The following TNRC18 variants were observed in gnomAD, a reference collection of about 807,000 sequenced individuals.
TNRC18 encodes the protein trinucleotide repeat-containing gene 18 protein.
In TNRC18, 69 loss-of-function variants were observed where a neutral mutation model predicts 226.7. That is an observed-to-expected ratio of 0.30 (90% confidence interval 0.25 to 0.37). The LOEUF (loss-of-function observed/expected upper bound fraction) is 0.37, where lower values mean the gene tolerates loss of function less well. Among genes scored for constraint, TNRC18 ranks in the 10% least tolerant of loss-of-function variants. TNRC18 has a pLI of 1.00. For synonymous variants in TNRC18, 2,449 were observed against 1,927.6 expected (o/e 1.27, Z -7.09); for missense variants, 4,754 against 4,256.6 (o/e 1.12, Z -3.25).
intron 21 of TNRC18, among the ~76,000 whole-genome samples, chr7:5,323,233 G>T (rs1788557052): frequency 6.6e-6 from 1 of 152,054 alleles, no homozygotes; most frequent in South Asian, 2.1e-4. Context: ...TCGCCTCTGG[G>T]CTACAGACCC....
chr7:5,399,996 C>A (rs565862372), intron 2 of TNRC18, among the ~76,000 whole-genome samples: 1 of 152,102 alleles, frequency 6.6e-6, no homozygotes, highest in African/African-American at 2.4e-5. Context: ...CTCAAGCAAT[C>A]GCCCCACCTT....
In TNRC18 at chr7:5,389,044, C is replaced by G. The variant is rs1331468379; in HGVS notation, c.780G>C (p.Glu260Asp). 5 of 1,296,974 alleles carry G rather than the reference C, an allele frequency of 3.9e-6. No individual in the cohort carries two copies. Among genetic ancestry groups the G allele is most frequent in the Non-Finnish European group, 4.9e-6 (5 of 1,013,182 alleles). 80.3% of individuals were successfully genotyped at this position (1,296,974 alleles called of 1,614,324 possible). Residue 260 changes from glutamate to aspartate, a missense_variant, in exon 5 of 30, where the codon GAG (glutamate) becomes GAC (aspartate). By Grantham distance (45) the Glu-to-Asp change is conservative. Transcript: ENST00000430969. ...ACTCAGCCAGGAAGGGCGACAGGCG[C>G]TCAGCCAGGCGCGGGGGCCCCCGGT... ...RQDRGPPRLA[E>D]RLSPFLAESK...
In TNRC18 at chr7:5,307,956, C is replaced by G. The variant is rs1022653569; in HGVS notation, c.*150G>C. ...CACACGTGCATGCACACACACTCACCCGGGCATCCACGTGCACACCTGGCC... is the reference window on the plus strand; with the variant it reads ...CACACGTGCATGCACACACACTCACGCGGGCATCCACGTGCACACCTGGCC... On this transcript the variant is annotated 3_prime_UTR_variant, in exon 30 of 30. Coordinates refer to ENST00000430969, the MANE Select transcript of TNRC18 (RefSeq NM_001080495.3). The G allele has an allele frequency of 1.5e-6, 1 of 686,046 alleles. No individual in the cohort carries two copies. The highest frequency in any genetic ancestry group is 2.4e-6 in the Non-Finnish European group (1 of 408,536). 42.5% of individuals were successfully genotyped at this position (686,046 alleles called of 1,614,324 possible). A position where few individuals can be genotyped will look rare whatever the true frequency, so the allele number is the denominator to read the frequency against.
At position 5,389,296 on chromosome 7, in the gene TNRC18, C is replaced by T. The variant is rs1036553770; in HGVS notation, c.528G>A (p.Leu176=). 28 of 1,285,880 alleles carry T rather than the reference C, an allele frequency of 2.2e-5. No individual in the cohort carries two copies. The highest frequency in any genetic ancestry group is 2.7e-5 in the Non-Finnish European group (27 of 1,017,256). 79.7% of individuals were successfully genotyped at this position (1,285,880 alleles called of 1,614,324 possible). ...TCCGGGCCGAGGGCGCGTGAGAGTG[C>T]AGGGAGCCCGGAGCCCCCGCGGTGG... ...YLPTAGAPGS[L]HSHAPSARTP... The change falls in exon 5 of 30, where the codon CTG becomes CTA. Residue 176 remains leucine, a synonymous_variant. Transcript: ENST00000430969.
At chr7:5,349,190 T>C (rs1324367677) in intron 17 of TNRC18, among the ~76,000 whole-genome samples, 1 of 152,114 alleles carries the variant, frequency 6.6e-6, no homozygotes, top group African/African-American at 2.4e-5. Flanking sequence ...TGGGAGACCC[T>C]CCCGCCTCCC....
At chr7:5,383,733 A>G (rs1225424029) in intron 5 of TNRC18, among the ~76,000 whole-genome samples, 2 of 152,194 alleles carry the variant, frequency 1.3e-5, no homozygotes, top group East Asian at 3.9e-4. Flanking sequence ...GACTGCCCAG[A>G]GAGAAATGAC....
intron 18 of TNRC18, 144 bp downstream of exon 18, chr7:5,345,418 G>A (rs958556951): frequency 5.1e-5 from 41 of 810,624 alleles, no homozygotes; most frequent in African/African-American, 1.0e-4. Context: ...TGATCAGCAC[G>A]GGGCTGGCCC....
chr7:5,375,791 C>T (rs944298487), intron 9 of TNRC18, among the ~76,000 whole-genome samples: 14 of 152,190 alleles, frequency 9.2e-5, no homozygotes, highest in Middle Eastern at 6.3e-3. Flanking sequence ...CTCGCTCCTG[C>T]ACCCTGCCCT....
chr7:5,384,057 T>A (rs1448495821), intron 5 of TNRC18, among the ~76,000 whole-genome samples: 1 of 141,878 alleles, frequency 7.0e-6, no homozygotes, highest in Non-Finnish European at 1.5e-5. Context: ...CTCCTCCTCC[T>A]AGGTTCAAGC....
intron 4 of TNRC18, chr7:5,390,001 G>T: frequency 5.2e-6 from 1 of 193,032 alleles, no homozygotes; most frequent in Non-Finnish European, 1.0e-5. Flanking sequence ...AGAGGACAGT[G>T]TGACCAGAAG....
Position 5,388,479 on chromosome 7 carries a change from C to A in TNRC18, c.1345G>T (p.Ala449Ser), listed in dbSNP as rs1156341165. 3.6e-6 allele frequency: 5 copies of A among 1,390,694 alleles called. No individual in the cohort carries two copies. The highest frequency in any genetic ancestry group is 2.1e-4 in the Middle Eastern group (1 of 4,864). 86.1% of individuals were successfully genotyped at this position (1,390,694 alleles called of 1,614,324 possible). Residue 449 changes from alanine to serine, a missense_variant, in exon 5 of 30, where the codon GCC (alanine) becomes TCC (serine). Coordinates refer to ENST00000430969, the MANE Select transcript of TNRC18 (RefSeq NM_001080495.3). ...CGGGGGTCCGGGGAGGCGCGTGTGG[C>A]CCGCACCGTGGGGGCATCCGCGGGG... ...PPPADAPTVR[A>S]TRASPDPRAY...
chr7:5,388,885 C>G lies in TNRC18; in HGVS notation c.939G>C (p.Glu313Asp), dbSNP rs901616078. The stretch of plus-strand genomic sequence containing the variant: ...CCGTGCGCCGCAGCAGCCGCGCGCC[C>G]TCGTCCTGCCGGGCAGCCTCCTTGG... ...GGAKEAARQD[E>D]GARLLRRTET... Residue 313 changes from glutamate to aspartate, a missense_variant, in exon 5 of 30, where the codon GAG becomes GAC. By Grantham distance (45) the Glu-to-Asp change is conservative (BLOSUM62 2). Coordinates refer to ENST00000430969, the MANE Select transcript of TNRC18 (RefSeq NM_001080495.3). 3 of 1,345,272 alleles carry G rather than the reference C, an allele frequency of 2.2e-6. No homozygotes were observed. In the African/African-American group the frequency reaches 4.8e-5, roughly 21 times the overall value. The allele number at this position is 1,345,272 out of a possible 1,614,324, so 83.3% of individuals were successfully genotyped here.
chr7:5,390,310 G>A, intron 4 of TNRC18, 175 bp downstream of exon 4: 1 of 683,676 alleles, frequency 1.5e-6, no homozygotes, highest in Non-Finnish European at 2.4e-6. Flanking sequence ...AGTGACCTAT[G>A]ATCGCACCAC....
rs1786578467 is a variant in TNRC18, at chr7:5,306,954, A to T, written c.*1152T>A. 6.6e-6 allele frequency: 1 copy of T among 150,762 alleles called. No homozygotes were observed. The highest frequency in any genetic ancestry group is 1.5e-5 in the Non-Finnish European group (1 of 67,814). 9.3% of individuals were successfully genotyped at this position (150,762 alleles called of 1,614,324 possible). On this transcript the variant is annotated 3_prime_UTR_variant, in exon 30 of 30. Transcript: ENST00000430969. ...TCCTTCCCTCAAGATTGTCTGGTTGAGGCCTTGGTTTCCCTTGAAGGCTTG... is the reference window on the plus strand; with the variant it reads ...TCCTTCCCTCAAGATTGTCTGGTTGTGGCCTTGGTTTCCCTTGAAGGCTTG...
chr7:5,397,434 A>G (rs1472044122), intron 2 of TNRC18, among the ~76,000 whole-genome samples: 4 of 152,140 alleles, frequency 2.6e-5, no homozygotes, highest in African/African-American at 9.7e-5. Flanking sequence ...CCTGCCCACC[A>G]CAGGGCTCAA....
chr7:5,327,281 A>G (rs571182793), intron 19 of TNRC18, among the ~76,000 whole-genome samples: 1 of 152,382 alleles, frequency 6.6e-6, no homozygotes, highest in Admixed American at 6.5e-5. Flanking sequence ...GAGAGCATTA[A>G]AAGAAACAAA....
At chr7:5,318,309 G>A (rs140142153) in intron 24 of TNRC18, among the ~76,000 whole-genome samples, 2,183 of 152,222 alleles carry the variant, frequency 0.014, 22 homozygotes, top group Non-Finnish European at 0.023. Flanking sequence ...GTGAGCCACC[G>A]CAGCTGGTGG....
At chr7:5,363,115 G>A (rs1240332721) in intron 11 of TNRC18, among the ~76,000 whole-genome samples, 3 of 151,470 alleles carry the variant, frequency 2.0e-5, no homozygotes, top group African/African-American at 4.9e-5. Flanking sequence ...CCAACATGGT[G>A]AAACAGTGAA....
intron 10 of TNRC18, among the ~76,000 whole-genome samples, chr7:5,373,062 G>A (rs370249178): frequency 1.3e-5 from 2 of 152,254 alleles, no homozygotes; most frequent in East Asian, 3.9e-4. Flanking sequence ...GGAGACTGAG[G>A]CAGGAGAATC....
Sources: allele counts gnomAD v4.1 joint callset (sites outside exome capture counted in the v4.1 genomes callset), GRCh38; gene constraint gnomAD v4.1.1; transcripts MANE v1.5; gene names NCBI Gene and HGNC (gene_info 2026-07-23, HGNC 2026-07-21).